DNAH5: variants seen among roughly 807,000 people sequenced by gnomAD.
The protein encoded by DNAH5 is axonemal beta dynein heavy chain 5.
In DNAH5, 372 loss-of-function variants were observed where a neutral mutation model predicts 518.2. The observed-to-expected ratio is 0.72, with a 90% CI of 0.66 to 0.78. The LOEUF is 0.78. Ranked by LOEUF, DNAH5 falls within the 30% of genes least tolerant of loss-of-function variation. The pLI is 0.00. For synonymous variants in DNAH5, 2,039 were observed against 2,025.9 expected, an observed-to-expected ratio of 1.01 and a Z score of -0.17; for missense variants, 5,523 against 5,687.0, an observed-to-expected ratio of 0.97 and a Z score of 0.93.
chr5:13,810,626 C>T (rs1018434455), intron 44 of DNAH5: 8 of 174,594 alleles, frequency 4.6e-5, no homozygotes, highest in Non-Finnish European at 8.3e-5. Context: ...TGGTGGCGGG[C>T]GCCTGTAGTC....
At chr5:13,840,102 G>T (rs1764960262) in intron 34 of DNAH5, among the ~76,000 whole-genome samples, 1 of 148,430 alleles carries the variant, frequency 6.7e-6, no homozygotes, top group African/African-American at 2.5e-5. Flanking sequence ...CTTTGACAAA[G>T]AAGAAATCTA....
chr5:13,841,374 A>G (rs932024548), intron 33 of DNAH5, among the ~76,000 whole-genome samples: 1 of 152,122 alleles, frequency 6.6e-6, no homozygotes, highest in Non-Finnish European at 1.5e-5. Flanking sequence ...TTTTTTTAGT[A>G]AAGTGTTCAA....
Position 13,766,060 on chromosome 5 carries a change from A to G in DNAH5, c.10017T>C (p.Ile3339=). 4.3e-6 allele frequency: 7 copies of G among 1,614,212 alleles called. No homozygotes were observed. The highest frequency in any genetic ancestry group is 5.9e-6 in the Non-Finnish European group (7 of 1,180,026). The part of the protein sequence containing the change: ...LFQRKVSAVK[I]DLEKSCTMPS... The stretch of plus-strand genomic sequence containing the variant: ...GCATGGTACAGCTTTTTTCCAGGTC[A>G]ATTTTCACAGCACTGACTTTCCTTT... The change falls in exon 59 of 79, where the codon ATT becomes ATC. Residue 3339 remains isoleucine (I), a synonymous_variant. Coordinates refer to ENST00000265104, the MANE Select transcript of DNAH5 (RefSeq NM_001369.3).
At position 13,967,855 on chromosome 5, in the gene DNAH5, G is replaced by A. The variant is rs1170349573; in HGVS notation, c.13-36611C>T. ...TGCTTTTTCCAATTCTGTGAGGAATGATGGTGGTATTTTGATGGGAATTGC... is the reference window on the plus strand; with the variant it reads ...TGCTTTTTCCAATTCTGTGAGGAATAATGGTGGTATTTTGATGGGAATTGC... On this transcript the variant is annotated intron_variant, in intron 1 of 78. Coordinates refer to the DNAH5 transcript ENST00000681290. Among the ~76,000 whole-genome samples, 4 of 146,130 alleles carry A rather than the reference G, an allele frequency of 2.7e-5. No homozygotes were observed. The Admixed American group carries it at 2.8e-4, about 10-fold the overall frequency.
At position 13,862,657 on chromosome 5, in the gene DNAH5, C is replaced by T. The variant is rs147567352; in HGVS notation, c.4687G>A (p.Gly1563Ser). The T allele has an allele frequency of 8.8e-5, 142 of 1,613,870 alleles. No homozygotes were observed. The Middle Eastern group carries it at 6.6e-3, about 75-fold the overall frequency. ...NEWDNKTFTF[G>S]SFKTRGELLL... is the part of the protein sequence containing the mutation. ...AGCTCTCCACGGGTTTTAAAGCTGC[C>T]GAAGGTGAATGTTTTATTGTCCCAT... The change falls in exon 29 of 79, where the codon GGC becomes AGC. Residue 1563 changes from glycine (G) to serine (S), a missense_variant. Transcript: ENST00000265104.
chr5:13,862,800 T>C (rs552533112), intron 28 of DNAH5, 53 bp from the exon 29 acceptor site: 1 of 1,448,454 alleles, frequency 6.9e-7, no homozygotes, highest in African/African-American at 1.4e-5. Context: ...ACGTCCTTCC[T>C]TAATAGTCTA....
intron 48 of DNAH5, 81 bp from the exon 49 acceptor site, chr5:13,793,809 G>T (rs1387063006): frequency 1.3e-6 from 2 of 1,565,778 alleles, no homozygotes; most frequent in African/African-American, 1.4e-5. Flanking sequence ...TCCAAAGAAA[G>T]AACTTTACTG....
At chr5:14,007,989 AG>A (rs1784834660) in intron 1 of DNAH5, among the ~76,000 whole-genome samples, 1 of 152,020 alleles carries the variant, frequency 6.6e-6, no homozygotes, top group Non-Finnish European at 1.5e-5. Context: ...CCTGGCCAAC[AG>A]GGCAAAAACC....
In DNAH5 at chr5:13,762,869, C is replaced by G. The variant is rs761451180; in HGVS notation, c.10134G>C (p.Val3378=). The change falls in exon 60 of 79, where the codon GTG becomes GTC. Residue 3378 remains valine, a synonymous_variant. Transcript: ENST00000265104. Reference sequence around the variant, plus strand: ...CAAAGTAAGGACTCAAAAATTCTATCACCTCTTCATTGATTGTGTCTTTTG... The same window carrying G: ...CAAAGTAAGGACTCAAAAATTCTATGACCTCTTCATTGATTGTGTCTTTTG... ...QFPKDTINEE[V]IEFLSPYFEM... 2 of 1,613,908 alleles carry G rather than the reference C, an allele frequency of 1.2e-6. No individual in the cohort carries two copies. The highest frequency in any genetic ancestry group is 3.3e-5 in the Admixed American group (2 of 60,030).
rs113549248 is a variant in DNAH5, at chr5:13,985,679, C to A, written c.12+25969G>T. ...AGCATATACCCCTGGCAAAACTGAC[C>A]AGCACCTGAACACTGCCCCAACAGA... On this transcript the variant is annotated intron_variant, in intron 1 of 78. Coordinates refer to the DNAH5 transcript ENST00000681290. Among the ~76,000 whole-genome samples the A allele has an allele frequency of 2.6e-3, 394 of 152,160 alleles. 3 individuals are homozygous for A. Among genetic ancestry groups the A allele is most frequent in the African/African-American group, 9.0e-3 (372 of 41,496 alleles).
rs750520426 is a variant in DNAH5 at position 13,920,461 on chromosome 5, T to C, written c.798+19A>G. On this transcript the variant is annotated intron_variant, in intron 6 of 78. Transcript: ENST00000265104. ...AGTAATGTGGCACCTGAAATTGATG[T>C]TTGGTTTCTCAAAATTACCTGTTCT... The C allele has an allele frequency of 5.0e-6, 8 of 1,614,058 alleles. No homozygotes were observed. Among genetic ancestry groups the C allele is most frequent in the Non-Finnish European group, 6.8e-6 (8 of 1,179,950 alleles).
intron 61 of DNAH5, among the ~76,000 whole-genome samples, chr5:13,754,688 G>A (rs112945872): frequency 0.35 from 52,970 of 151,628 alleles, 9,546 homozygotes; most frequent in South Asian, 0.46. Flanking sequence ...ACAAGCATAC[G>A]CCACCACACC....
At chr5:13,854,048 A>G (rs1735799573) in intron 30 of DNAH5, among the ~76,000 whole-genome samples, 1 of 152,192 alleles carries the variant, frequency 6.6e-6, no homozygotes, top group Non-Finnish European at 1.5e-5. Context: ...CCTCAAGAAG[A>G]GCAACCCCAA....
chr5:13,831,021 T>C (rs1364796474), intron 35 of DNAH5, among the ~76,000 whole-genome samples: 2 of 151,880 alleles, frequency 1.3e-5, no homozygotes, highest in African/African-American at 4.9e-5. Context: ...ACAGGTTTCT[T>C]TACTGCTGAA....
At chr5:13,744,601 C>T (rs940249866) in intron 65 of DNAH5, among the ~76,000 whole-genome samples, 3 of 151,958 alleles carry the variant, frequency 2.0e-5, no homozygotes, top group Admixed American at 6.6e-5. Flanking sequence ...ACCCCATAAA[C>T]ATGTACAATT....
At chr5:13,717,288 G>A (rs1449577918) in intron 73 of DNAH5, 27 bp downstream of exon 73, 7 of 1,604,150 alleles carry the variant, frequency 4.4e-6, no homozygotes, top group Admixed American at 1.7e-5. Context: ...AGCCACTAGA[G>A]GCATGAGGCA....
At chr5:13,820,158 GT>G (rs34073819) in intron 41 of DNAH5, among the ~76,000 whole-genome samples, 187 bp downstream of exon 41, 33 of 149,522 alleles carry the variant, frequency 2.2e-4, no homozygotes, top group African/African-American at 3.3e-4. Context: ...ACCTAAAAAT[GT>G]TTTTTTTTCT....
At position 13,882,990 on chromosome 5, in the gene DNAH5, C is replaced by T. The variant is rs1354328819; in HGVS notation, c.3088G>A (p.Val1030Ile). The T allele has an allele frequency of 6.2e-7, 1 of 1,614,082 alleles. No individual in the cohort carries two copies. The highest frequency in any genetic ancestry group is 8.5e-7 in the Non-Finnish European group (1 of 1,180,032). The change falls in exon 20 of 79, where the codon GTA becomes ATA. Residue 1030 changes from valine (V) to isoleucine (I), a missense_variant. Physicochemically the swap from Val to Ile is conservative, Grantham distance 29. Coordinates refer to ENST00000265104, the MANE Select transcript of DNAH5 (RefSeq NM_001369.3). ...NIVMAPALED[V>I]QQTLNKAVEC... ...ACGGCTTTGTTCAGGGTCTGCTGTA[C>T]ATCTTCCAGGGCAGGGGCCATGACG...
At chr5:13,923,706 C>T (rs1296255471) in intron 3 of DNAH5, among the ~76,000 whole-genome samples, 3 of 152,162 alleles carry the variant, frequency 2.0e-5, no homozygotes, top group Non-Finnish European at 4.4e-5. Context: ...CTGGCATGTA[C>T]TGTGTTCCAG....
Sources: allele counts gnomAD v4.1 joint callset (sites outside exome capture counted in the v4.1 genomes callset), GRCh38; gene constraint gnomAD v4.1.1; transcripts MANE v1.5; gene names NCBI Gene and HGNC (gene_info 2026-07-23, HGNC 2026-07-21).